LNPEP: variants seen among roughly 807,000 people sequenced by gnomAD.
The protein encoded by LNPEP is leucyl-cystinyl aminopeptidase.
A neutral mutation model predicts 120.6 loss-of-function variants in LNPEP; 64 were observed. The observed-to-expected ratio is 0.53, with a 90% confidence interval of 0.43 to 0.65. The LOEUF is 0.65. Ranked by LOEUF, LNPEP falls within the 30% of genes least tolerant of loss-of-function variation. LNPEP has a pLI of 0.00. For synonymous variants in LNPEP, 435 were observed against 425.4 expected, an observed-to-expected ratio of 1.02 and a Z score of -0.28; for missense variants, 1,057 against 1,200.0, an observed-to-expected ratio of 0.88 and a Z score of 1.76.
At chr5:96,968,236 G>T (rs1178892182) in intron 1 of LNPEP, among the ~76,000 whole-genome samples, 1 of 152,002 alleles carries the variant, frequency 6.6e-6, no homozygotes, top group Non-Finnish European at 1.5e-5. Context: ...ATCTCCTCCT[G>T]TAGCCTCTGT....
chr5:96,987,600 T>G (rs1225111630), intron 4 of LNPEP, among the ~76,000 whole-genome samples: 1 of 152,000 alleles, frequency 6.6e-6, no homozygotes, highest in Non-Finnish European at 1.5e-5. Flanking sequence ...CTTTCAGAGA[T>G]AAGGACAGAG....
At chr5:96,990,412 T>C (rs1790363741) in intron 4 of LNPEP, among the ~76,000 whole-genome samples, 3 of 152,188 alleles carry the variant, frequency 2.0e-5, no homozygotes, top group Admixed American at 2.0e-4. Context: ...CCTTGTTACT[T>C]TAGAAAGCTA....
chr5:96,996,570 T>C (rs1790521568), intron 7 of LNPEP, 67 bp downstream of exon 7: 1 of 838,026 alleles, frequency 1.2e-6, no homozygotes, highest in African/African-American at 1.7e-5. Flanking sequence ...CACATTTTCA[T>C]GTATTTTCTG....
At chr5:97,022,988 T>C (rs1029213804) in intron 14 of LNPEP, among the ~76,000 whole-genome samples, 2 of 151,796 alleles carry the variant, frequency 1.3e-5, no homozygotes, top group Non-Finnish European at 2.9e-5. Flanking sequence ...TTAAGCATAT[T>C]CACATTATTG....
chr5:97,024,688 A>G lies in LNPEP; in HGVS notation c.2723+6A>G, dbSNP rs1312757047. The G allele has an allele frequency of 2.5e-6, 4 of 1,611,636 alleles. No individual in the cohort carries two copies. Among genetic ancestry groups the G allele is most frequent in the South Asian group, 2.2e-5 (2 of 90,792 alleles). The stretch of plus-strand genomic sequence containing the variant: ...GATGTGCGGAAGCTTTACTGGTATG[A>G]AATCACCGAGGAATATGATATACAG... On this transcript the variant is annotated splice_donor_region_variant and intron_variant, in intron 15 of 17. Transcript: ENST00000231368.
chr5:96,949,780 T>A (rs1178248822), intron 1 of LNPEP, among the ~76,000 whole-genome samples: 1 of 152,224 alleles, frequency 6.6e-6, no homozygotes, highest in Non-Finnish European at 1.5e-5. Context: ...AACATAGTGT[T>A]TTGTTGCACA....
At chr5:96,990,934 T>G (rs1050181588) in intron 4 of LNPEP, among the ~76,000 whole-genome samples, 1 of 152,194 alleles carries the variant, frequency 6.6e-6, no homozygotes, top group African/African-American at 2.4e-5. Flanking sequence ...AAGAGGTTTT[T>G]GGGGAACAGG....
At position 96,979,858 on chromosome 5, in the gene LNPEP, C is replaced by A; in HGVS notation, c.740C>A (p.Ala247Asp). Residue 247 changes from alanine (A) to aspartate (D), a missense_variant, in exon 2 of 18, where the codon GCC becomes GAC. Coordinates refer to ENST00000231368, the MANE Select transcript of LNPEP (RefSeq NM_005575.3). ...TATCATGGACAGATCGCCATTGTTG[C>A]CCCCGAAGCCCTTCTAGCAGGGCAC... Reference protein sequence around the residue: ...YAYHGQIAIVAPEALLAGHNY... With the variant: ...YAYHGQIAIVDPEALLAGHNY... The A allele has an allele frequency of 6.2e-7, 1 of 1,613,970 alleles. No homozygotes were observed. The highest frequency in any genetic ancestry group is 8.5e-7 in the Non-Finnish European group (1 of 1,179,928).
At chr5:96,949,287 G>A (rs1439315953) in intron 1 of LNPEP, among the ~76,000 whole-genome samples, 3 of 152,252 alleles carry the variant, frequency 2.0e-5, no homozygotes, top group Non-Finnish European at 4.4e-5. Flanking sequence ...TGAGCAGTGG[G>A]CAAGTGAGCG....
chr5:96,979,111 C>A, intron 1 of LNPEP, 27 bp from the exon 2 acceptor site: 24 of 1,553,878 alleles, frequency 1.5e-5, no homozygotes, highest in Non-Finnish European at 2.0e-5. Context: ...TAACTCTGTG[C>A]CTTGTTCTTA....
At chr5:96,944,921 C>A (rs1281907160) in intron 1 of LNPEP, among the ~76,000 whole-genome samples, 1 of 151,748 alleles carries the variant, frequency 6.6e-6, no homozygotes, top group East Asian at 1.9e-4. Flanking sequence ...AAGTTATTAT[C>A]TAAAGACCTG....
intron 4 of LNPEP, among the ~76,000 whole-genome samples, chr5:96,989,394 TATTATATATTATATATAATATATA>T (rs1256472711): frequency 3.5e-4 from 10 of 28,520 alleles, no homozygotes; most frequent in Admixed American, 1.9e-3. Flanking sequence ...ATATACAATA[TATTATATATTATATATAATATATA>T]ATTATATATT....
At chr5:97,013,304 G>A (rs745617934) in intron 11 of LNPEP, among the ~76,000 whole-genome samples, 54 of 152,086 alleles carry the variant, frequency 3.6e-4, no homozygotes, top group Non-Finnish European at 6.0e-4. Flanking sequence ...ATGTGCATTC[G>A]TTGAATGCTG....
chr5:97,021,550 C>A (rs1791196998), intron 13 of LNPEP, among the ~76,000 whole-genome samples: 1 of 152,076 alleles, frequency 6.6e-6, no homozygotes, highest in Non-Finnish European at 1.5e-5. Flanking sequence ...GTTTATTTTT[C>A]TTTCATTGCT....
intron 13 of LNPEP, among the ~76,000 whole-genome samples, chr5:97,022,016 C>T (rs970163039): frequency 6.8e-6 from 1 of 147,334 alleles, no homozygotes; most frequent in African/African-American, 2.5e-5. Flanking sequence ...ACTGCAACCT[C>T]CACCTCCTGG....
At chr5:97,016,826 G>A (rs1561453418) in intron 13 of LNPEP, among the ~76,000 whole-genome samples, 4 of 152,044 alleles carry the variant, frequency 2.6e-5, no homozygotes, top group Admixed American at 2.0e-4. Context: ...TCTCTTTAGG[G>A]CAAACTGGGA....
At position 96,961,186 on chromosome 5, in the gene LNPEP, CA is replaced by C. The variant is rs1192483778; in HGVS notation, c.20-17943del. Among the ~76,000 whole-genome samples the C allele has an allele frequency of 3.3e-5, 5 of 149,844 alleles. No individual in the cohort carries two copies. The South Asian group carries it at 6.3e-4, about 19-fold the overall frequency. ...AAGGATTCACCTTTCAAAAACAAAA[CA>C]AAAAAAAACTGTCTACCATGCAAAA... On this transcript the variant is annotated intron_variant, in intron 1 of 17. Coordinates refer to ENST00000231368, the MANE Select transcript of LNPEP (RefSeq NM_005575.3).
Position 97,013,787 on chromosome 5 carries a change from C to G in LNPEP, c.2175C>G (p.Asp725Glu). The G allele has an allele frequency of 6.2e-7, 1 of 1,610,276 alleles. No homozygotes were observed. Among genetic ancestry groups the G allele is most frequent in the South Asian group, 1.1e-5 (1 of 90,008 alleles). ...AAATAAATCCTTATGTTCTGAGTGA[C>G]AAAGACCGAGCCAACCTTATCAACA... ...QLKINPYVLS[D>E]KDRANLINNI... The change falls in exon 12 of 18, where the codon GAC becomes GAG. Residue 725 changes from aspartate to glutamate, a missense_variant. Asp to Glu is a conservative substitution (Grantham distance 45, BLOSUM62 2). Coordinates refer to ENST00000231368, the MANE Select transcript of LNPEP (RefSeq NM_005575.3).
chr5:97,013,561 A>G (rs1023193845), intron 11 of LNPEP, 87 bp from the exon 12 acceptor site: 1 of 661,996 alleles, frequency 1.5e-6, no homozygotes, highest in Non-Finnish European at 2.3e-6. Flanking sequence ...AAATATAAAA[A>G]TAAACTAAAA....
Sources: gnomAD v4.1 joint callset for allele counts (sites outside exome capture counted in the v4.1 genomes callset) on GRCh38, gnomAD v4.1.1 for gene constraint, MANE v1.5 for transcripts, NCBI Gene and HGNC (gene_info 2026-07-23, HGNC 2026-07-21) for gene names.